KRT7: variants seen among roughly 807,000 people sequenced by gnomAD.
KRT7 encodes the protein keratin, type II cytoskeletal 7.
In KRT7, 50 loss-of-function variants were observed where a neutral mutation model predicts 42.8. The observed-to-expected ratio is 1.17, with a 90% confidence interval of 0.93 to 1.48. The LOEUF (loss-of-function observed/expected upper bound fraction) is 1.48. Among genes scored for constraint, KRT7 ranks in the 40% most tolerant of loss-of-function variants. KRT7 has a pLI of 0.00. For missense variants in KRT7, 588 were observed against 637.6 expected, an observed-to-expected ratio of 0.92 and a Z score of 0.84; for synonymous variants, 268 against 266.3, an observed-to-expected ratio of 1.01 and a Z score of -0.06.
intron 7 of KRT7, 33 bp from the exon 8 acceptor site, chr12:52,248,144 G>T (rs1453168069): frequency 1.2e-6 from 2 of 1,611,042 alleles, no homozygotes; most frequent in Non-Finnish European, 1.7e-6. Context: ...CGCTAGGAAA[G>T]AGCCGTCCTC....
rs758697277 is a variant in KRT7 at position 52,248,657 on chromosome 12, T to C, written c.1307T>C (p.Met436Thr). The change falls in exon 9 of 9, where the codon ATG becomes ACG. Residue 436 changes from methionine to threonine, a missense_variant. By Grantham distance (81) the Met-to-Thr change is moderately conservative (BLOSUM62 -1). Coordinates refer to ENST00000331817, the MANE Select transcript of KRT7 (RefSeq NM_005556.4). ...GGIGLTLGGT[M>T]GSNALSFSSS... ...ATTGGGCTGACCCTCGGGGGAACCA[T>C]GGGCAGCAATGCCCTGAGCTTCTCC... 1 of 1,613,008 alleles carries C rather than the reference T, an allele frequency of 6.2e-7. No homozygotes were observed. The highest frequency in any genetic ancestry group is 1.1e-5 in the South Asian group (1 of 90,994).
In KRT7 at chr12:52,248,755, G is replaced by T; in HGVS notation, c.1405G>T (p.Asp469Tyr). Residue 469 changes from aspartate to tyrosine, a missense_variant, in exon 9 of 9, where the codon GAC becomes TAC. Physicochemically the swap from Asp to Tyr is radical, Grantham distance 160. Coordinates refer to ENST00000331817, the MANE Select transcript of KRT7 (RefSeq NM_005556.4). ...ATCCGCCAGTCGCAGGAGTGCCCGC[G>T]ACTGAGCCGCCTCCCACCACTCCAC... Reference protein sequence around the residue: ...TASASRRSARD With the variant: ...TASASRRSARY The T allele has an allele frequency of 1.3e-6, 2 of 1,560,070 alleles. No homozygotes were observed. The highest frequency in any genetic ancestry group is 1.2e-5 in the South Asian group (1 of 84,200).
chr12:52,239,418 A>C (rs1942054727), intron 4 of KRT7, among the ~76,000 whole-genome samples: 2 of 152,178 alleles, frequency 1.3e-5, no homozygotes, highest in Non-Finnish European at 2.9e-5. Context: ...AAGCCAATTT[A>C]AAGCACTTTG....
In KRT7 at chr12:52,241,619, G is replaced by A; in HGVS notation, c.841G>A (p.Ala281Thr). The change falls in exon 5 of 9, where the codon GCC becomes ACC. Residue 281 changes from alanine to threonine, a missense_variant. Ala to Thr is a moderately conservative substitution (Grantham distance 58). Coordinates refer to ENST00000331817, the MANE Select transcript of KRT7 (RefSeq NM_005556.4). ...MAKCSRAEAE[A>T]WYQTKFETLQ... The stretch of plus-strand genomic sequence containing the variant: ...CAAATGCAGCCGGGCTGAGGCTGAA[G>A]CCTGGTACCAGACCAAGGTGTGAGG... 6.2e-7 allele frequency: 1 copy of A among 1,610,782 alleles called. No individual in the cohort carries two copies. The highest frequency in any genetic ancestry group is 8.5e-7 in the Non-Finnish European group (1 of 1,178,120).
In KRT7 at chr12:52,248,167, C is replaced by T; in HGVS notation, c.1206-10C>T. 1.9e-6 allele frequency: 3 copies of T among 1,614,012 alleles called. No individual in the cohort carries two copies. Among genetic ancestry groups the T allele is most frequent in the Non-Finnish European group, 2.5e-6 (3 of 1,179,946 alleles). The stretch of plus-strand genomic sequence containing the variant: ...AAGAGCCGTCCTCACTGTCTGTCCT[C>T]TGCCCCCAGGTTGGCTGGAGATGGA... On this transcript the variant is annotated splice_polypyrimidine_tract_variant and intron_variant, in intron 7 of 8. Coordinates refer to ENST00000331817, the MANE Select transcript of KRT7 (RefSeq NM_005556.4).
In KRT7 at chr12:52,237,541, C is replaced by A; in HGVS notation, c.569C>A (p.Ala190Asp). 1 of 1,612,236 alleles carries A rather than the reference C, an allele frequency of 6.2e-7. No individual in the cohort carries two copies. The highest frequency in any genetic ancestry group is 1.1e-5 in the South Asian group (1 of 90,768). ...GATGAAATTAACCACCGCACAGCTG[C>A]TGAGAATGAGTTTGTGGTGCTGAAG... ...YEDEINHRTA[A>D]ENEFVVLKKD... Residue 190 changes from alanine (A) to aspartate (D), a missense_variant, in exon 3 of 9, where the codon GCT becomes GAT. Ala to Asp is a moderately radical substitution (Grantham distance 126). Transcript: ENST00000331817.
At chr12:52,246,199 A>G (rs1942168571) in intron 7 of KRT7, 1 of 153,262 alleles carries the variant, frequency 6.5e-6, no homozygotes, top group Admixed American at 6.5e-5. Flanking sequence ...GGAGTCTGAT[A>G]GCACATTCTT....
At position 52,239,857 on chromosome 12, in the gene KRT7, C is replaced by T. The variant is rs141711979; in HGVS notation, c.693+1082C>T. On this transcript the variant is annotated intron_variant, in intron 4 of 8. Transcript: ENST00000331817. ...TCCTCCGGGGTTTCCAGCTCTTTTT[C>T]TTCAAGGGGATTTAAAAATCTCTCC... Among the ~76,000 whole-genome samples the T allele has an allele frequency of 6.4e-3, 974 of 152,260 alleles. 14 individuals carry two copies. Among genetic ancestry groups the T allele is most frequent in the African/African-American group, 0.022 (917 of 41,534 alleles).
chr12:52,235,464 A>G (rs570616236), intron 2 of KRT7, 98 bp downstream of exon 2: 2 of 1,028,188 alleles, frequency 1.9e-6, no homozygotes, highest in East Asian at 2.6e-5. Context: ...AGGAATCAGC[A>G]TGCAGCTGCT....
At chr12:52,252,148 C>G (rs538326595), downstream of KRT7, 1 of 1,322,668 alleles carries the variant, frequency 7.6e-7, no homozygotes. Flanking sequence ...CTCCAATTAG[C>G]GTTGATGCAC....
chr12:52,248,146 G>C lies in KRT7; in HGVS notation c.1206-31G>C, dbSNP rs148781012. On this transcript the variant is annotated intron_variant, in intron 7 of 8. Transcript: ENST00000331817. ...CGCTTCCCTCCCACGCTAGGAAAGA[G>C]CCGTCCTCACTGTCTGTCCTCTGCC... The C allele has an allele frequency of 1.7e-3, 2,737 of 1,612,024 alleles. 4 individuals are homozygous for C. Among genetic ancestry groups the C allele is most frequent in the Non-Finnish European group, 2.2e-3 (2,563 of 1,178,340 alleles).
chr12:52,237,447 C>T (rs927589986), intron 2 of KRT7, 62 bp from the exon 3 acceptor site: 14 of 1,219,764 alleles, frequency 1.1e-5, no homozygotes, highest in East Asian at 4.9e-5. Context: ...CTGCATATGG[C>T]GGAGGGGGGA....
chr12:52,252,074 A>G (rs919014767), downstream of KRT7: 14 of 809,736 alleles, frequency 1.7e-5, no homozygotes, highest in Admixed American at 2.4e-4. Flanking sequence ...AGGGAAAGCA[A>G]AGAGACAGAA....
chr12:52,247,981 G>C, intron 7 of KRT7, 196 bp from the exon 8 acceptor site: 1 of 611,660 alleles, frequency 1.6e-6, no homozygotes, highest in Non-Finnish European at 2.9e-6. Flanking sequence ...GTGGCCAGTG[G>C]ATAGAAGGGC....
At chr12:52,241,353 G>T in intron 4 of KRT7, 119 bp from the exon 5 acceptor site, 1 of 864,016 alleles carries the variant, frequency 1.2e-6, no homozygotes. Flanking sequence ...TTGCTGCCTG[G>T]TGACTCAGCC....
Position 52,233,629 on chromosome 12 carries a change from G to T in KRT7, c.324+9G>T, listed in dbSNP as rs571933783. 19 of 1,611,850 alleles carry T rather than the reference G, an allele frequency of 1.2e-5. No homozygotes were observed. The Admixed American group carries it at 2.3e-4, about 20-fold the overall frequency. On this transcript the variant is annotated intron_variant, in intron 1 of 8. Coordinates refer to ENST00000331817, the MANE Select transcript of KRT7 (RefSeq NM_005556.4). ...CCTCCTTCATCGACAAGGTGAGCGG[G>T]ACTGGACCTCGCCTCTCCTCGAGCC...
intron 6 of KRT7, chr12:52,244,681 C>T: frequency 1.0e-6 from 1 of 976,126 alleles, no homozygotes; most frequent in Non-Finnish European, 1.2e-6. Flanking sequence ...AAGATGAGGC[C>T]TGGGACTATT....
rs1189244352 is a variant in KRT7 at position 52,233,458 on chromosome 12, C to T, written c.162C>T (p.Ala54=). 2.5e-6 allele frequency: 4 copies of T among 1,608,512 alleles called. No individual in the cohort carries two copies. The highest frequency in any genetic ancestry group is 3.4e-6 in the Non-Finnish European group (4 of 1,178,398). ...GGCCGCGCGTGGCCGTGCGCTCTGC[C>T]TATGGGGGCCCGGTGGGCGCCGGCA... is the stretch of plus-strand genomic sequence containing the variant. ...ASRPRVAVRS[A]YGGPVGAGIR... The change falls in exon 1 of 9, where the codon GCC becomes GCT. Residue 54 remains alanine (A), a synonymous_variant. Transcript: ENST00000331817.
At chr12:52,245,702 A>G in intron 7 of KRT7, 70 bp downstream of exon 7, 1 of 1,581,978 alleles carries the variant, frequency 6.3e-7, no homozygotes, top group Non-Finnish European at 8.6e-7. Flanking sequence ...ACATTCATCC[A>G]TTTACAAGCA....
Sources: gnomAD v4.1 joint callset for allele counts (sites outside exome capture counted in the v4.1 genomes callset) on GRCh38, gnomAD v4.1.1 for gene constraint, MANE v1.5 for transcripts, NCBI Gene and HGNC (gene_info 2026-07-23, HGNC 2026-07-21) for gene names.